The following SAMD3 variants were observed in gnomAD, a reference collection of about 807,000 sequenced individuals.
SAMD3 encodes the protein sterile alpha motif domain containing 3, also known as sterile alpha motif domain-containing protein 3.
SAMD3 carries 63 observed loss-of-function variants against 58.5 expected under a neutral mutation model. The ratio of observed to expected loss-of-function variants is 1.08; its 90% CI spans 0.88 to 1.33. The LOEUF (loss-of-function observed/expected upper bound fraction) is 1.33. Ranked by LOEUF, SAMD3 falls within the 40% of genes most tolerant of loss-of-function variation. SAMD3 has a pLI of 0.00. For synonymous variants in SAMD3, 220 were observed against 210.3 expected (o/e 1.05, Z -0.40); for missense variants, 604 against 608.4 (o/e 0.99, Z 0.08).
rs115657361 is a variant in SAMD3 at position 130,263,605 on chromosome 6, C to T, written c.-187-40792G>A. Among the ~76,000 whole-genome samples, 662 of 152,280 alleles carry T rather than the reference C, an allele frequency of 4.3e-3. 5 individuals are homozygous for T. Among genetic ancestry groups the T allele is most frequent in the African/African-American group, 0.015 (629 of 41,542 alleles). ...AGAAAAATTTAACTCGTTTCATCTA[C>T]GCTATTACTCTTTCTTCTTTCCTCG... On this transcript the variant is annotated intron_variant, in intron 2 of 13. Coordinates refer to the SAMD3 transcript ENST00000368134.
Position 130,322,614 on chromosome 6 carries a change from C to T in SAMD3, c.-303-9521G>A, listed in dbSNP as rs146203011. Among the ~76,000 whole-genome samples, 205 of 152,184 alleles carry T rather than the reference C, an allele frequency of 1.3e-3. 2 individuals carry two copies. The highest frequency in any genetic ancestry group is 4.6e-3 in the African/African-American group (191 of 41,510). ...TTGCACCACTGCACCCCAGCCTGGG[C>T]GACAGAGTGAGTGAGACTGTCTCAA... is the stretch of plus-strand genomic sequence containing the variant. On this transcript the variant is annotated intron_variant, in intron 1 of 13. Transcript: ENST00000368134.
intron 1 of SAMD3, among the ~76,000 whole-genome samples, chr6:130,217,747 C>G (rs576529921): frequency 6.6e-6 from 1 of 150,914 alleles, no homozygotes; most frequent in Non-Finnish European, 1.5e-5. Context: ...AATATGAAAA[C>G]TTTTTGTCAT....
intron 2 of SAMD3, among the ~76,000 whole-genome samples, chr6:130,307,160 A>G (rs1323438922): frequency 1.3e-5 from 2 of 152,246 alleles, no homozygotes; most frequent in African/African-American, 4.8e-5. Context: ...AAACTTACAC[A>G]TGGAGTGAAA....
intron 2 of SAMD3, among the ~76,000 whole-genome samples, chr6:130,247,349 C>A (rs548799104): frequency 6.6e-6 from 1 of 151,988 alleles, no homozygotes; most frequent in Non-Finnish European, 1.5e-5. Flanking sequence ...CACCTGTAAA[C>A]CCAGCTACAT....
chr6:130,285,130 T>A (rs1775112286), intron 2 of SAMD3, among the ~76,000 whole-genome samples: 1 of 152,224 alleles, frequency 6.6e-6, no homozygotes. Context: ...GATCATTCCA[T>A]AATACTGAAT....
At chr6:130,344,028 G>A (rs1356346712) in intron 1 of SAMD3, among the ~76,000 whole-genome samples, 1 of 151,780 alleles carries the variant, frequency 6.6e-6, no homozygotes, top group African/African-American at 2.4e-5. Context: ...CCATAAGAGA[G>A]TGGCCCACTG....
At chr6:130,287,068 T>A (rs1775181420) in intron 2 of SAMD3, among the ~76,000 whole-genome samples, 1 of 152,212 alleles carries the variant, frequency 6.6e-6, no homozygotes, top group Admixed American at 6.5e-5. Flanking sequence ...CCAGAATTAC[T>A]TTGGATGCCA....
At chr6:130,263,708 T>G (rs961477264) in intron 2 of SAMD3, among the ~76,000 whole-genome samples, 4 of 152,214 alleles carry the variant, frequency 2.6e-5, no homozygotes, top group African/African-American at 9.6e-5. Context: ...GCTTGCCTTG[T>G]GGAGACTTGC....
At chr6:130,213,631 C>T (rs1223081012) in intron 4 of SAMD3, among the ~76,000 whole-genome samples, 3 of 151,810 alleles carry the variant, frequency 2.0e-5, no homozygotes, top group South Asian at 2.1e-4. Context: ...TGAAATGATC[C>T]CAGGGCATAG....
chr6:130,200,943 C>T (rs7769084), intron 5 of SAMD3, among the ~76,000 whole-genome samples: 1,606 of 152,128 alleles, frequency 0.011, 22 homozygotes, highest in African/African-American at 0.037. Flanking sequence ...CAATGCTATT[C>T]TCATGTTTGT....
At chr6:130,296,422 C>T (rs1775572239) in intron 2 of SAMD3, among the ~76,000 whole-genome samples, 1 of 152,124 alleles carries the variant, frequency 6.6e-6, no homozygotes, top group Non-Finnish European at 1.5e-5. Context: ...AAAGCCCCCT[C>T]ATGACAAAGG....
rs1209799519 is a variant in SAMD3 at position 130,262,343 on chromosome 6, G to A, written c.-187-39530C>T. Among the ~76,000 whole-genome samples the A allele has an allele frequency of 4.0e-5, 6 of 151,406 alleles. No individual in the cohort carries two copies. The East Asian group carries it at 9.7e-4, about 24-fold the overall frequency. On this transcript the variant is annotated intron_variant, in intron 2 of 13. Transcript: ENST00000368134. The stretch of plus-strand genomic sequence containing the variant: ...AAACTTTTAGAGGAAACCTCATTGT[G>A]AGCACACCTCACTAGTTCAGTTCAG...
intron 9 of SAMD3, among the ~76,000 whole-genome samples, 191 bp downstream of exon 9, chr6:130,154,634 C>A (rs1233587042): frequency 7.1e-6 from 1 of 140,896 alleles, no homozygotes; most frequent in African/African-American, 2.7e-5. Context: ...GCAGAGGTTG[C>A]AGTGAGCTGA....
intron 8 of SAMD3, among the ~76,000 whole-genome samples, chr6:130,172,171 A>T (rs1008474305): frequency 2.0e-5 from 3 of 152,136 alleles, no homozygotes; most frequent in African/African-American, 7.2e-5. Context: ...CCAATTTGCC[A>T]GTCTGTGTCT....
chr6:130,257,534 A>G (rs1309390857), intron 2 of SAMD3, among the ~76,000 whole-genome samples: 1 of 152,150 alleles, frequency 6.6e-6, no homozygotes, highest in East Asian at 1.9e-4. Context: ...GGGACCTTTA[A>G]TTCCCTATCC....
chr6:130,280,315 C>A (rs575166898), intron 2 of SAMD3, among the ~76,000 whole-genome samples: 1 of 152,140 alleles, frequency 6.6e-6, no homozygotes, highest in Non-Finnish European at 1.5e-5. Flanking sequence ...TTTTTTTGCC[C>A]TTGATAATGG....
At chr6:130,217,085 G>T (rs1796043946) in intron 1 of SAMD3, among the ~76,000 whole-genome samples, 2 of 151,994 alleles carry the variant, frequency 1.3e-5, no homozygotes, top group East Asian at 1.9e-4. Flanking sequence ...CTACTTCTGG[G>T]AAAAACAAAA....
At chr6:130,153,662 A>ATATATATATATATATT (rs1423735345) in intron 9 of SAMD3, among the ~76,000 whole-genome samples, 1 of 131,266 alleles carries the variant, frequency 7.6e-6, no homozygotes, top group Non-Finnish European at 1.6e-5. Context: ...ATATATATAT[A>ATATATATATATATATT]TATTTATTTA....
intron 1 of SAMD3, among the ~76,000 whole-genome samples, chr6:130,336,425 G>A (rs1465513067): frequency 1.3e-5 from 2 of 152,186 alleles, no homozygotes; most frequent in East Asian, 3.9e-4. Flanking sequence ...CTCTGGGAAA[G>A]TTTTGTTCTA....
Sources: allele counts gnomAD v4.1 joint callset (sites outside exome capture counted in the v4.1 genomes callset), GRCh38; gene constraint gnomAD v4.1.1; transcripts MANE v1.5; gene names NCBI Gene and HGNC (gene_info 2026-07-23, HGNC 2026-07-21).